The following ZNF385D variants were observed in gnomAD, a reference collection of about 807,000 sequenced individuals.
ZNF385D encodes zinc finger protein 659.
In ZNF385D, 15 loss-of-function variants were observed where a neutral mutation model predicts 35.8. The ratio of observed to expected loss-of-function variants is 0.42; its 90% CI spans 0.28 to 0.64. ZNF385D has a LOEUF of 0.64. Among genes scored for constraint, ZNF385D ranks in the 30% least tolerant of loss-of-function variants. The pLI is 0.23. For synonymous variants in ZNF385D, 212 were observed against 186.8 expected (o/e 1.13, Z -1.10); for missense variants, 474 against 494.6 (o/e 0.96, Z 0.39).
intron 1 of ZNF385D, among the ~76,000 whole-genome samples, chr3:21,684,407 CTCTCT>C (rs2067033300): frequency 2.0e-5 from 1 of 50,874 alleles, no homozygotes; most frequent in African/African-American, 1.1e-4. Context: ...TCTCTCTCCT[CTCTCT>C]CTCTCTCTCT....
At chr3:22,186,566 A>G (rs1366509501) in intron 2 of ZNF385D, among the ~76,000 whole-genome samples, 1 of 152,150 alleles carries the variant, frequency 6.6e-6, no homozygotes, top group Non-Finnish European at 1.5e-5. Context: ...TGATTTCATG[A>G]CCATCATGCA....
chr3:22,331,641 A>G (rs1034352601), intron 2 of ZNF385D, among the ~76,000 whole-genome samples: 10 of 152,194 alleles, frequency 6.6e-5, no homozygotes, highest in African/African-American at 2.4e-4. Context: ...TACAAGGAGT[A>G]AACTTTGTGC....
chr3:21,828,401 C>T (rs1324279990), intron 3 of ZNF385D, among the ~76,000 whole-genome samples: 1 of 152,060 alleles, frequency 6.6e-6, no homozygotes, highest in Non-Finnish European at 1.5e-5. Context: ...TGTTTTACTA[C>T]ATTTTGGTGC....
chr3:21,909,307 T>C (rs1559744687), intron 3 of ZNF385D, among the ~76,000 whole-genome samples: 2 of 152,078 alleles, frequency 1.3e-5, no homozygotes, highest in Non-Finnish European at 2.9e-5. Context: ...TTCTCTTTTT[T>C]ATGCAGCAAA....
chr3:21,432,074 T>C (rs1701316830), intron 5 of ZNF385D, among the ~76,000 whole-genome samples: 1 of 152,196 alleles, frequency 6.6e-6, no homozygotes, highest in African/African-American at 2.4e-5. Flanking sequence ...AAGAAAGTTA[T>C]GAGCTCAGGC....
intron 1 of ZNF385D, among the ~76,000 whole-genome samples, chr3:21,738,587 A>C (rs944162983): frequency 6.6e-6 from 1 of 152,228 alleles, no homozygotes; most frequent in South Asian, 2.1e-4. Flanking sequence ...CAATTCACCC[A>C]AATTCACATC....
intron 3 of ZNF385D, among the ~76,000 whole-genome samples, chr3:22,123,986 A>ATATATATG (rs753742081): frequency 0.017 from 2,023 of 121,798 alleles, 44 homozygotes; most frequent in Non-Finnish European, 0.022. Flanking sequence ...ATATATATAT[A>ATATATATG]TATTGCTGAC....
chr3:21,532,541 A>G (rs2061948296), intron 3 of ZNF385D, among the ~76,000 whole-genome samples: 1 of 152,166 alleles, frequency 6.6e-6, no homozygotes, highest in Admixed American at 6.6e-5. Flanking sequence ...GGTTGTCTCC[A>G]ACGTAAATTT....
chr3:22,145,089 A>C (rs548615575), intron 3 of ZNF385D, among the ~76,000 whole-genome samples: 1 of 152,120 alleles, frequency 6.6e-6, no homozygotes, highest in East Asian at 1.9e-4. Flanking sequence ...CAGTACTCAA[A>C]ATGTCCTATG....
chr3:21,635,673 C>T (rs991424667), intron 2 of ZNF385D, among the ~76,000 whole-genome samples: 4 of 152,044 alleles, frequency 2.6e-5, no homozygotes, highest in Non-Finnish European at 4.4e-5. Context: ...GCAGTATACA[C>T]TGAACCGAAT....
chr3:21,603,575 TAACTC>T (rs954034670), intron 2 of ZNF385D, among the ~76,000 whole-genome samples: 2 of 152,176 alleles, frequency 1.3e-5, no homozygotes, highest in Admixed American at 6.5e-5. Context: ...TAATATATAA[TAACTC>T]TAAACAAGTG....
intron 1 of ZNF385D, among the ~76,000 whole-genome samples, chr3:21,671,322 T>C (rs2066570276): frequency 6.6e-6 from 1 of 152,116 alleles, no homozygotes; most frequent in South Asian, 2.1e-4. Context: ...AATATCATCA[T>C]TCTTCAGTTA....
At position 21,727,378 on chromosome 3, in the gene ZNF385D, G is replaced by C. The variant is rs914312160; in HGVS notation, c.22+23517C>G. ...CAGCAAAAGAAACTATCATCAGAGG[G>C]AACAGGCAACCTACAGAATGGGAGA... On this transcript the variant is annotated intron_variant, in intron 1 of 7. Transcript: ENST00000281523. 3.3e-5 allele frequency among the ~76,000 whole-genome samples: 5 copies of C among 152,070 alleles called. 1 individual carries two copies. In the East Asian group the frequency reaches 9.7e-4, roughly 29 times the overall value.
chr3:21,734,100 T>C (rs13321243), intron 1 of ZNF385D, among the ~76,000 whole-genome samples: 7,849 of 152,256 alleles, frequency 0.052, 437 homozygotes, highest in African/African-American at 0.14. Flanking sequence ...TCTGCCTAGT[T>C]CAAGATCAAA....
intron 3 of ZNF385D, among the ~76,000 whole-genome samples, chr3:22,085,339 AAAG>A (rs1230984393): frequency 2.6e-5 from 4 of 152,188 alleles, no homozygotes; most frequent in African/African-American, 9.7e-5. Flanking sequence ...CAAGACTAAT[AAAG>A]AAGAAAAGAG....
intron 1 of ZNF385D, among the ~76,000 whole-genome samples, chr3:21,680,308 T>C (rs2066858899): frequency 6.6e-6 from 1 of 152,116 alleles, no homozygotes; most frequent in South Asian, 2.1e-4. Flanking sequence ...TAAAGCAAGG[T>C]AAAGCAATAG....
At chr3:21,948,385 T>C (rs1275308566) in intron 3 of ZNF385D, among the ~76,000 whole-genome samples, 1 of 152,126 alleles carries the variant, frequency 6.6e-6, no homozygotes, top group Non-Finnish European at 1.5e-5. Context: ...TTTTCTTTTC[T>C]TTCTTTGCAT....
chr3:22,129,216 C>G (rs1033403517), intron 3 of ZNF385D, among the ~76,000 whole-genome samples: 1 of 152,132 alleles, frequency 6.6e-6, no homozygotes, highest in African/African-American at 2.4e-5. Context: ...GCTGAGCTAC[C>G]TAGAGCTGGA....
intron 2 of ZNF385D, among the ~76,000 whole-genome samples, chr3:22,246,909 G>T (rs1699813282): frequency 1.3e-5 from 2 of 150,128 alleles, no homozygotes; most frequent in African/African-American, 4.9e-5. Flanking sequence ...TAGATATGTA[G>T]GTAGCATATA....
Sources: gnomAD v4.1 joint callset for allele counts (sites outside exome capture counted in the v4.1 genomes callset) on GRCh38, gnomAD v4.1.1 for gene constraint, MANE v1.5 for transcripts, NCBI Gene and HGNC (gene_info 2026-07-23, HGNC 2026-07-21) for gene names.